Variants in PFKFB3 observed in about 807,000 individuals in gnomAD.
PFKFB3 encodes the protein 6-phosphofructo-2-kinase/fructose-2,6-biphosphatase 3, also known as 6-phosphofructo-2-kinase/fructose-2,6-bisphosphatase 3.
A neutral mutation model predicts 68.0 loss-of-function variants in PFKFB3; 33 were observed. The observed-to-expected ratio is 0.49, with a 90% CI of 0.37 to 0.65. PFKFB3 has a LOEUF of 0.65. Ranked by LOEUF, PFKFB3 falls within the 30% of genes least tolerant of loss-of-function variation. The probability of loss-of-function intolerance (pLI) is 0.00; values close to 1 mark genes in which losing one functional copy is unlikely to be tolerated. For missense variants in PFKFB3, 586 were observed against 712.2 expected (o/e 0.82, Z 2.02); for synonymous variants, 315 against 288.2 (o/e 1.09, Z -0.94).
rs71390202 is a variant in PFKFB3, at chr10:6,248,652, A to AAAAAAG, written c.1516-5526_1516-5525insAAAAAG. 7.6e-4 allele frequency among the ~76,000 whole-genome samples: 70 copies of AAAAAAG among 91,572 alleles called. 2 individuals are homozygous for AAAAAAG. Among genetic ancestry groups the AAAAAAG allele is most frequent in the East Asian group, 3.6e-3 (9 of 2,518 alleles). 60.1% of individuals were successfully genotyped at this position (91,572 alleles called of 152,430 possible). A position where few individuals can be genotyped will look rare whatever the true frequency, so the allele number is the denominator to read the frequency against. On this transcript the variant is annotated intron_variant, in intron 14 of 14. Transcript: ENST00000640683. ...TCAAAAAAAAAAAAAAAAAAAAAAA[A>AAAAAAG]GGCAGGGGATCTGAATAGATGTTTC...
downstream of PFKFB3, among the ~76,000 whole-genome samples, chr10:6,255,905 G>A (rs1846488557): frequency 6.6e-6 from 1 of 152,190 alleles, no homozygotes; most frequent in African/African-American, 2.4e-5. Context: ...TTGGCGGGGT[G>A]GGAGGGCAGC....
intron 1 of PFKFB3, among the ~76,000 whole-genome samples, chr10:6,152,545 G>T (rs1482109953): frequency 6.6e-6 from 1 of 152,138 alleles, no homozygotes; most frequent in Non-Finnish European, 1.5e-5. Flanking sequence ...AATAGAGGAG[G>T]GCTGCGGATC....
chr10:6,255,391 TGG>T (rs967442980), downstream of PFKFB3, among the ~76,000 whole-genome samples: 5 of 152,274 alleles, frequency 3.3e-5, no homozygotes, highest in African/African-American at 4.8e-5. Context: ...CCCAAAGTGC[TGG>T]GATTACAGGC....
intron 1 of PFKFB3, among the ~76,000 whole-genome samples, chr10:6,178,603 C>A (rs1214858431): frequency 6.6e-6 from 1 of 152,154 alleles, no homozygotes; most frequent in Non-Finnish European, 1.5e-5. Flanking sequence ...CGGGTCCCTC[C>A]TGCCCTCCCT....
At position 6,215,464 on chromosome 10, in the gene PFKFB3, G is replaced by A. The variant is rs953285803; in HGVS notation, c.299+147G>A. The A allele has an allele frequency of 5.0e-5, 34 of 683,376 alleles. No homozygotes were observed. Among genetic ancestry groups the A allele is most frequent in the South Asian group, 1.7e-5 (1 of 59,548 alleles). The allele number at this position is 683,376 out of a possible 1,614,324, so 42.3% of individuals were successfully genotyped here. A position where few individuals can be genotyped will look rare whatever the true frequency, so the allele number is the denominator to read the frequency against. Reference sequence around the variant, plus strand: ...TGGGCTGCGGGGCTGCGGGTGTAAGGCTGGGCTGCGGGCTTGGGCTTGCTT... The same window carrying A: ...TGGGCTGCGGGGCTGCGGGTGTAAGACTGGGCTGCGGGCTTGGGCTTGCTT... On this transcript the variant is annotated intron_variant, in intron 3 of 14. Coordinates refer to ENST00000379775, the MANE Select transcript of PFKFB3 (RefSeq NM_004566.4). This position sits in a 1 kb window ranked among gnomAD's most constrained non-coding sequence, Gnocchi z 4.3.
intron 1 of PFKFB3, among the ~76,000 whole-genome samples, chr10:6,194,226 A>G (rs369750215): frequency 1.3e-5 from 1 of 78,982 alleles, no homozygotes; most frequent in African/African-American, 3.3e-5. Context: ...TCCCATTCCT[A>G]TTGGATAAAA....
intron 11 of PFKFB3, 81 bp downstream of exon 11, chr10:6,223,065 T>G (rs1564636719): frequency 2.8e-6 from 4 of 1,435,196 alleles, no homozygotes; most frequent in Non-Finnish European, 3.8e-6. Flanking sequence ...AGACCTGCCG[T>G]GGCCTGCCCT....
chr10:6,215,115 T>G lies in PFKFB3; in HGVS notation c.203-106T>G. ...TTCCACACCATCTCATTCAAGTCGG[T>G]GTGGTTGGCCTGGTGGCTCTTCCTT... On this transcript the variant is annotated intron_variant, in intron 2 of 14. Transcript: ENST00000379775. This position sits in a 1 kb window ranked among gnomAD's most constrained non-coding sequence, Gnocchi z 4.3. The G allele has an allele frequency of 1.2e-6, 1 of 846,730 alleles. No individual in the cohort carries two copies. Among genetic ancestry groups the G allele is most frequent in the Non-Finnish European group, 2.0e-6 (1 of 509,124 alleles). The allele number at this position is 846,730 out of a possible 1,614,324, so 52.5% of individuals were successfully genotyped here.
the PFKFB3 span, among the ~76,000 whole-genome samples, chr10:6,264,157 A>G: frequency 2.0e-5 from 3 of 152,186 alleles, no homozygotes; most frequent in Non-Finnish European, 2.9e-5. Context: ...CTTGAGTGCC[A>G]TCTTTGTCAT....
At chr10:6,312,991 T>G in the PFKFB3 span, among the ~76,000 whole-genome samples, 1 of 152,242 alleles carries the variant, frequency 6.6e-6, no homozygotes, top group Non-Finnish European at 1.5e-5. Context: ...TCTAAATCAG[T>G]GTTTAAAATT....
chr10:6,271,842 A>T, the PFKFB3 span, among the ~76,000 whole-genome samples: 27 of 152,334 alleles, frequency 1.8e-4, no homozygotes, highest in African/African-American at 6.5e-4. Flanking sequence ...TTATATTTTT[A>T]AAGCTAAATT....
chr10:6,166,417 TCCTC>T (rs1842142675), intron 1 of PFKFB3, among the ~76,000 whole-genome samples: 1 of 152,076 alleles, frequency 6.6e-6, no homozygotes, highest in Non-Finnish European at 1.5e-5. Context: ...CTGAGCCTCT[TCCTC>T]CTTCCACTCA....
chr10:6,319,560 T>A, the PFKFB3 span, among the ~76,000 whole-genome samples: 1 of 152,190 alleles, frequency 6.6e-6, no homozygotes, highest in South Asian at 2.1e-4. Context: ...ATATTCACCA[T>A]TTGGGTGATG....
intron 1 of PFKFB3, among the ~76,000 whole-genome samples, chr10:6,206,983 A>C (rs987212588): frequency 1.4e-5 from 2 of 147,276 alleles, no homozygotes; most frequent in Non-Finnish European, 3.0e-5. Flanking sequence ...GGCTCCTCAC[A>C]TCCCAGACGA....
intron 1 of PFKFB3, among the ~76,000 whole-genome samples, chr10:6,177,438 C>CTCTCTCTTTCTTTCTTTCTT (rs755279276): frequency 5.8e-5 from 5 of 86,718 alleles, no homozygotes; most frequent in South Asian, 8.9e-4. Flanking sequence ...TCTTTTCTTT[C>CTCTCTCTTTCTTTCTTTCTT]TCTTTCTTTC....
intron 14 of PFKFB3, among the ~76,000 whole-genome samples, chr10:6,250,403 A>G (rs1399144218): frequency 3.9e-5 from 6 of 151,988 alleles, no homozygotes; most frequent in Non-Finnish European, 8.8e-5. Context: ...CCCTGTCTCT[A>G]CTAAAAATAC....
At chr10:6,210,330 CTCTT>C (rs1421403459) in intron 1 of PFKFB3, among the ~76,000 whole-genome samples, 1 of 56,946 alleles carries the variant, frequency 1.8e-5, no homozygotes, top group African/African-American at 3.6e-5. Flanking sequence ...AGGCGCCCCT[CTCTT>C]TGTTTTTTTT....
At chr10:6,200,426 G>A (rs1030936169), upstream of PFKFB3, among the ~76,000 whole-genome samples, 2 of 152,088 alleles carry the variant, frequency 1.3e-5, no homozygotes, top group African/African-American at 4.8e-5. Context: ...GAGTTAGGAG[G>A]ATGTCCAAAC....
upstream of PFKFB3, among the ~76,000 whole-genome samples, chr10:6,199,264 T>C (rs1843255242): frequency 1.3e-5 from 2 of 152,166 alleles, no homozygotes; most frequent in Non-Finnish European, 2.9e-5. Context: ...GGTTTGAACG[T>C]TTTAACCTGG....
Sources: allele counts gnomAD v4.1 joint callset (sites outside exome capture counted in the v4.1 genomes callset), GRCh38; gene constraint gnomAD v4.1.1; non-coding constraint Gnocchi (gnomAD v3.1); transcripts MANE v1.5; gene names NCBI Gene and HGNC (gene_info 2026-07-23, HGNC 2026-07-21).